PRTG: variants seen among roughly 807,000 people sequenced by gnomAD.
PRTG encodes protogenin, also known as immunoglobulin superfamily, DCC subclass, member 5.
In PRTG, 67 loss-of-function variants were observed where a neutral mutation model predicts 122.5. The ratio of observed to expected loss-of-function variants is 0.55; its 90% CI spans 0.45 to 0.67. The LOEUF (loss-of-function observed/expected upper bound fraction) is 0.67. Ranked by LOEUF, PRTG falls within the 30% of genes least tolerant of loss-of-function variation. The pLI is 0.00. For synonymous variants in PRTG, 554 were observed against 501.1 expected, an observed-to-expected ratio of 1.11 and a Z score of -1.41; for missense variants, 1,435 against 1,415.4, an observed-to-expected ratio of 1.01 and a Z score of -0.22.
At chr15:55,641,353 C>A in intron 11 of PRTG, 145 bp from the exon 12 acceptor site, 1 of 602,586 alleles carries the variant, frequency 1.7e-6, no homozygotes. Context: ...CTCATTGACT[C>A]AGCAATCCAC....
intron 2 of PRTG, among the ~76,000 whole-genome samples, chr15:55,690,763 A>G (rs774697618): frequency 6.6e-6 from 1 of 152,250 alleles, no homozygotes; most frequent in Non-Finnish European, 1.5e-5. Flanking sequence ...TTTAATAAAG[A>G]CAGAAATAAC....
At chr15:55,741,218 CA>C (rs1418393408) in intron 1 of PRTG, among the ~76,000 whole-genome samples, 7 of 152,240 alleles carry the variant, frequency 4.6e-5, no homozygotes, top group African/African-American at 1.7e-4. Flanking sequence ...TGCCCTTTTA[CA>C]GCAGGGACTC....
At chr15:55,734,104 C>T (rs1365034959) in intron 2 of PRTG, among the ~76,000 whole-genome samples, 1 of 152,112 alleles carries the variant, frequency 6.6e-6, no homozygotes, top group Non-Finnish European at 1.5e-5. Flanking sequence ...CCAGGGATGC[C>T]GCTAACACTG....
At chr15:55,624,702 T>G (rs1251125194) in intron 17 of PRTG, among the ~76,000 whole-genome samples, 195 bp from the exon 18 acceptor site, 1 of 152,250 alleles carries the variant, frequency 6.6e-6, no homozygotes, top group Non-Finnish European at 1.5e-5. Context: ...TCTTTATTTC[T>G]TTTTGCCTCG....
chr15:55,664,549 T>C (rs898273849), intron 11 of PRTG, among the ~76,000 whole-genome samples: 2 of 152,192 alleles, frequency 1.3e-5, no homozygotes, highest in Non-Finnish European at 2.9e-5. Context: ...TAGTCATACA[T>C]ATGTACGTAA....
chr15:55,672,316 C>A, intron 11 of PRTG, 129 bp downstream of exon 11: 1 of 758,244 alleles, frequency 1.3e-6, no homozygotes, highest in South Asian at 1.9e-5. Flanking sequence ...CATATACACA[C>A]TGACATAGTA....
rs754659721 is a variant in PRTG at position 55,628,871 on chromosome 15, G to A, written c.2757C>T (p.Thr919=). ...SVELAVLPKE[T]SESNQRPKRL... is the part of the protein sequence containing the mutation. ...GCTTGGGCCTCTGATTTGATTCAGA[G>A]GTTTCCTTTGGAAGTACTGCCAGCT... The change falls in exon 16 of 20, where the codon ACC becomes ACT. Residue 919 remains threonine (T), a synonymous_variant. Transcript: ENST00000389286. 1.2e-6 allele frequency: 2 copies of A among 1,614,036 alleles called. No homozygotes were observed. Among genetic ancestry groups the A allele is most frequent in the Non-Finnish European group, 1.7e-6 (2 of 1,179,950 alleles).
chr15:55,632,455 C>T (rs1003277265), intron 15 of PRTG, among the ~76,000 whole-genome samples: 4 of 152,288 alleles, frequency 2.6e-5, no homozygotes, highest in South Asian at 2.1e-4. Flanking sequence ...CCTTTCTCAA[C>T]GTAAACCTAA....
rs2059511871 is a variant in PRTG at position 55,677,875 on chromosome 15, T to C, written c.1303A>G (p.Ile435Val). The C allele has an allele frequency of 1.2e-6, 2 of 1,613,820 alleles. No individual in the cohort carries two copies. Among genetic ancestry groups the C allele is most frequent in the African/African-American group, 2.7e-5 (2 of 74,914 alleles). The change falls in exon 8 of 20, where the codon ATT becomes GTT. Residue 435 changes from isoleucine (I) to valine (V), a missense_variant. Transcript: ENST00000389286. ...AGTGGCCTCTCCCAGGCTAAAAGAA[T>C]GGCTGAGCTTGACATGGTTTCAGCA... Reference protein sequence around the residue: ...VHAETMSSSAILLAWERPLYN... With the variant: ...VHAETMSSSAVLLAWERPLYN...
chr15:55,701,470 G>A (rs528769277), intron 2 of PRTG, among the ~76,000 whole-genome samples: 21 of 152,186 alleles, frequency 1.4e-4, no homozygotes, highest in African/African-American at 5.1e-4. Flanking sequence ...GGAGGCAGAG[G>A]TTGCAGTGAG....
At position 55,679,295 on chromosome 15, in the gene PRTG, A is replaced by C; in HGVS notation, c.1124T>G (p.Met375Arg). ...RKIHSNGRIK[M>R]YNSKLVINQI... ...AAGTTACACAGCCTACCTGTTGTAC[A>C]TTTTAATTCTACCATTCGAATGTAT... Residue 375 changes from methionine (M) to arginine (R), a missense_variant, in exon 7 of 20, where the codon ATG becomes AGG. Met to Arg is a moderately conservative substitution (Grantham distance 91, BLOSUM62 -1). Transcript: ENST00000389286. The C allele has an allele frequency of 6.2e-7, 1 of 1,611,334 alleles. No homozygotes were observed. Among genetic ancestry groups the C allele is most frequent in the Non-Finnish European group, 8.5e-7 (1 of 1,177,692 alleles).
intron 2 of PRTG, among the ~76,000 whole-genome samples, chr15:55,704,204 A>G (rs1160623186): frequency 2.6e-5 from 4 of 152,180 alleles, no homozygotes; most frequent in Non-Finnish European, 4.4e-5. Flanking sequence ...TTGTCATTCC[A>G]TAAAGAATTA....
intron 2 of PRTG, among the ~76,000 whole-genome samples, chr15:55,737,360 CA>C (rs2031444717): frequency 6.6e-6 from 1 of 152,144 alleles, no homozygotes; most frequent in Non-Finnish European, 1.5e-5. Context: ...GATGCCTTAG[CA>C]AAACTAAGTT....
chr15:55,646,655 T>C (rs1359516031), intron 11 of PRTG, among the ~76,000 whole-genome samples: 1 of 152,166 alleles, frequency 6.6e-6, no homozygotes. Flanking sequence ...TCTGGGGTGA[T>C]GGCTCAAATG....
chr15:55,697,658 C>T (rs2059639154), intron 2 of PRTG, among the ~76,000 whole-genome samples: 1 of 152,154 alleles, frequency 6.6e-6, no homozygotes, highest in South Asian at 2.1e-4. Context: ...CACCCAGCCA[C>T]TTTGTATTTT....
intron 13 of PRTG, among the ~76,000 whole-genome samples, 195 bp downstream of exon 13, chr15:55,639,447 T>C (rs1467291162): frequency 6.6e-6 from 1 of 152,160 alleles, no homozygotes; most frequent in East Asian, 1.9e-4. Context: ...CTTACATAAA[T>C]TAAATGTCAA....
In PRTG at chr15:55,673,412, A is replaced by G. The variant is rs1445850346; in HGVS notation, c.1811T>C (p.Val604Ala). 1 of 1,614,046 alleles carries G rather than the reference A, an allele frequency of 6.2e-7. No individual in the cohort carries two copies. Among genetic ancestry groups the G allele is most frequent in the Non-Finnish European group, 8.5e-7 (1 of 1,179,998 alleles). Residue 604 changes from valine to alanine, a missense_variant, in exon 10 of 20, where the codon GTA becomes GCA. By Grantham distance (64) the Val-to-Ala change is moderately conservative (BLOSUM62 0). Coordinates refer to ENST00000389286, the MANE Select transcript of PRTG (RefSeq NM_173814.6). ...ATRVGLGESS[V>A]WTSHRTPKAT... ...TTTGGGCGTCCTATGTGAAGTCCAT[A>G]CTGATGACTCTCCCAGCCCCACTCT...
At chr15:55,661,270 A>G (rs1165804746) in intron 11 of PRTG, among the ~76,000 whole-genome samples, 1 of 152,132 alleles carries the variant, frequency 6.6e-6, no homozygotes, top group African/African-American at 2.4e-5. Flanking sequence ...CTCGACTCCA[A>G]CTCTTCCAAA....
intron 2 of PRTG, among the ~76,000 whole-genome samples, chr15:55,735,954 A>T (rs2031397942): frequency 6.6e-6 from 1 of 152,176 alleles, no homozygotes; most frequent in Non-Finnish European, 1.5e-5. Flanking sequence ...TACTTCCTTC[A>T]CTTGACTTAT....
Sources: gnomAD v4.1 joint callset for allele counts (sites outside exome capture counted in the v4.1 genomes callset) on GRCh38, gnomAD v4.1.1 for gene constraint, MANE v1.5 for transcripts, NCBI Gene and HGNC (gene_info 2026-07-23, HGNC 2026-07-21) for gene names.